ST6GALNAC3: variants seen among roughly 807,000 people sequenced by gnomAD.
ST6GALNAC3 encodes the protein ST6 N-acetylgalactosaminide alpha-2,6-sialyltransferase 3, also known as alpha-N-acetylgalactosaminide alpha-2,6-sialyltransferase 3.
ST6GALNAC3 carries 25 observed loss-of-function variants against 32.7 expected under a neutral mutation model. The ratio of observed to expected loss-of-function variants is 0.76; its 90% confidence interval spans 0.56 to 1.07. ST6GALNAC3 has a LOEUF of 1.07. ST6GALNAC3 is among the 50% of genes least tolerant of loss of function. The pLI, the probability that ST6GALNAC3 is intolerant of heterozygous loss-of-function variation, is 0.00. For missense variants in ST6GALNAC3, 355 were observed against 382.4 expected, an observed-to-expected ratio of 0.93 and a Z score of 0.60; for synonymous variants, 129 against 133.1, an observed-to-expected ratio of 0.97 and a Z score of 0.21.
intron 1 of ST6GALNAC3, among the ~76,000 whole-genome samples, chr1:76,311,140 C>A (rs1209081795): frequency 6.6e-6 from 1 of 152,180 alleles, no homozygotes; most frequent in East Asian, 1.9e-4. Context: ...TAGTTTTCAT[C>A]CCTCATTACC....
At chr1:76,427,014 G>T (rs946509444) in intron 3 of ST6GALNAC3, among the ~76,000 whole-genome samples, 4 of 152,034 alleles carry the variant, frequency 2.6e-5, no homozygotes, top group African/African-American at 9.7e-5. Context: ...ATTTTGTATT[G>T]GGTAAATAAA....
At chr1:76,244,906 T>C (rs932967000) in intron 1 of ST6GALNAC3, among the ~76,000 whole-genome samples, 7 of 152,180 alleles carry the variant, frequency 4.6e-5, no homozygotes, top group Admixed American at 4.6e-4. Flanking sequence ...GAAATTTTCT[T>C]TTTTTGTTGT....
chr1:76,297,624 A>G (rs899237176), intron 1 of ST6GALNAC3, among the ~76,000 whole-genome samples: 21 of 152,070 alleles, frequency 1.4e-4, no homozygotes, highest in Non-Finnish European at 7.4e-5. Context: ...CAAATCATTC[A>G]TCTTTTTAAT....
chr1:76,222,789 G>A (rs940053100), intron 1 of ST6GALNAC3, among the ~76,000 whole-genome samples: 1 of 151,914 alleles, frequency 6.6e-6, no homozygotes, highest in Non-Finnish European at 1.5e-5. Context: ...AGCTGACAAG[G>A]GATATGAAAA....
chr1:76,273,235 AT>A (rs1658951657), intron 1 of ST6GALNAC3, among the ~76,000 whole-genome samples: 1 of 152,184 alleles, frequency 6.6e-6, no homozygotes, highest in South Asian at 2.1e-4. Flanking sequence ...TAAACAGAAA[AT>A]ACTTTTAAAA....
chr1:76,309,044 C>T (rs894421839), intron 1 of ST6GALNAC3, among the ~76,000 whole-genome samples: 1 of 152,148 alleles, frequency 6.6e-6, no homozygotes, highest in Non-Finnish European at 1.5e-5. Context: ...CTTCTCTTGG[C>T]GAGGCCGCCG....
chr1:76,215,867 G>A (rs1655428815), intron 1 of ST6GALNAC3, among the ~76,000 whole-genome samples: 1 of 152,200 alleles, frequency 6.6e-6, no homozygotes, highest in Admixed American at 6.5e-5. Context: ...GGAGATGGAT[G>A]TAGGGAAGCA....
chr1:76,361,451 C>A (rs1166549825), intron 2 of ST6GALNAC3, among the ~76,000 whole-genome samples: 1 of 151,956 alleles, frequency 6.6e-6, no homozygotes, highest in African/African-American at 2.4e-5. Flanking sequence ...ACATATATAC[C>A]ACATTTTGTT....
chr1:76,408,425 C>A (rs1371135366), intron 2 of ST6GALNAC3, among the ~76,000 whole-genome samples: 3 of 152,076 alleles, frequency 2.0e-5, no homozygotes, highest in Non-Finnish European at 4.4e-5. Flanking sequence ...ACCATCTACC[C>A]TCAAAGCCGT....
chr1:76,632,279 A>G lies in ST6GALNAC3; in HGVS notation c.*3473A>G, dbSNP rs1400708846. On this transcript the variant is annotated 3_prime_UTR_variant, in exon 5 of 5. Transcript: ENST00000328299. ...GTAAAATCATATTCAAAAGCTGGCCAGAAGAATAAAGCTAGAGAAGCTGCT... is the reference window on the plus strand; with the variant it reads ...GTAAAATCATATTCAAAAGCTGGCCGGAAGAATAAAGCTAGAGAAGCTGCT... 1 of 152,164 alleles carries G rather than the reference A, an allele frequency of 6.6e-6. No homozygotes were observed. The highest frequency in any genetic ancestry group is 1.5e-5 in the Non-Finnish European group (1 of 68,012). The allele number at this position is 152,164 out of a possible 1,614,324, so 9.4% of individuals were successfully genotyped here.
intron 1 of ST6GALNAC3, among the ~76,000 whole-genome samples, chr1:76,303,909 A>G (rs193144613): frequency 1.8e-3 from 277 of 152,036 alleles, no homozygotes; most frequent in African/African-American, 6.6e-3. Context: ...ACTTCTCTTT[A>G]TATTTTAAAT....
chr1:76,301,866 G>A (rs1660745256), intron 1 of ST6GALNAC3, among the ~76,000 whole-genome samples: 1 of 150,998 alleles, frequency 6.6e-6, no homozygotes, highest in South Asian at 2.1e-4. Flanking sequence ...GTGCAATCTT[G>A]ACAAGAAGAA....
chr1:76,188,822 C>T (rs1452068499), intron 1 of ST6GALNAC3, among the ~76,000 whole-genome samples: 2 of 152,100 alleles, frequency 1.3e-5, no homozygotes, highest in Middle Eastern at 3.2e-3. Flanking sequence ...GATGAGGAAC[C>T]AGAAGAGGAC....
At chr1:76,522,517 TGAG>T (rs1662610321) in intron 3 of ST6GALNAC3, among the ~76,000 whole-genome samples, 1 of 152,226 alleles carries the variant, frequency 6.6e-6, no homozygotes, top group African/African-American at 2.4e-5. Context: ...TGACTGTCTT[TGAG>T]TTCATTAATC....
chr1:76,187,371 C>T (rs1241209265), intron 1 of ST6GALNAC3, among the ~76,000 whole-genome samples: 1 of 152,156 alleles, frequency 6.6e-6, no homozygotes, highest in Non-Finnish European at 1.5e-5. Context: ...GTCTTTTACT[C>T]TCAGGCTGTA....
chr1:76,197,770 C>T (rs567728921), intron 1 of ST6GALNAC3, among the ~76,000 whole-genome samples: 1 of 152,254 alleles, frequency 6.6e-6, no homozygotes, highest in African/African-American at 2.4e-5. Context: ...TGGGGTTTCT[C>T]AGCCTTAGCA....
intron 1 of ST6GALNAC3, among the ~76,000 whole-genome samples, chr1:76,251,670 A>G (rs115630804): frequency 1.3e-5 from 2 of 152,104 alleles, no homozygotes; most frequent in Non-Finnish European, 2.9e-5. Context: ...ACTTGCGTAG[A>G]CTTCTGTTAT....
At chr1:76,333,543 A>G (rs1008136184) in intron 2 of ST6GALNAC3, among the ~76,000 whole-genome samples, 1 of 152,180 alleles carries the variant, frequency 6.6e-6, no homozygotes, top group African/African-American at 2.4e-5. Flanking sequence ...ATTGCCAATT[A>G]TGGCTTTTAT....
chr1:76,083,853 A>T (rs770234989), intron 1 of ST6GALNAC3, among the ~76,000 whole-genome samples: 3 of 152,220 alleles, frequency 2.0e-5, no homozygotes, highest in Non-Finnish European at 4.4e-5. Context: ...TAAATTTTTC[A>T]TCAGAAATAT....
Sources: gnomAD v4.1 joint callset for allele counts (sites outside exome capture counted in the v4.1 genomes callset) on GRCh38, gnomAD v4.1.1 for gene constraint, MANE v1.5 for transcripts, NCBI Gene and HGNC (gene_info 2026-07-23, HGNC 2026-07-21) for gene names.